The following NBPF26 variants were observed in gnomAD, a reference collection of about 807,000 sequenced individuals.
NBPF26 encodes the protein NBPF family member NBPF26.
A neutral mutation model predicts 119.6 loss-of-function variants in NBPF26; 79 were observed. The ratio of observed to expected loss-of-function variants is 0.66; its 90% CI spans 0.55 to 0.80. NBPF26 has a LOEUF of 0.80. Among genes scored for constraint, NBPF26 ranks in the 30% least tolerant of loss-of-function variants. The pLI, the probability that NBPF26 is intolerant of heterozygous loss-of-function variation, is 0.00. For synonymous variants in NBPF26, 299 were observed against 457.7 expected (o/e 0.65, Z 4.43); for missense variants, 800 against 1,198.2 (o/e 0.67, Z 4.91).
At position 120,816,959 on chromosome 1, in the gene NBPF26, T is replaced by G. The variant is rs1253861785; in HGVS notation, c.2371+132T>G. The G allele has an allele frequency of 1.1e-5, 13 of 1,148,230 alleles. 1 individual carries two copies. The highest frequency in any genetic ancestry group is 1.4e-5 in the South Asian group (1 of 69,540). 71.1% of individuals were successfully genotyped at this position (1,148,230 alleles called of 1,614,324 possible). On this transcript the variant is annotated intron_variant, in intron 14 of 29. Coordinates refer to ENST00000620612, the Ensembl canonical transcript of NBPF26. ...GGGTTTCTAAACAGATATCAGGGAGTTTTTTGTCCTTCTCAGCTAATGTCA... is the reference window on the plus strand; with the variant it reads ...GGGTTTCTAAACAGATATCAGGGAGGTTTTTGTCCTTCTCAGCTAATGTCA...
chr1:120,840,375 G>T lies in NBPF26; in HGVS notation c.4129G>T (p.Glu1377Ter). ...GCTCAACAGCATGCTGATGGAAGTG[G>T]AAGAGCCTGAAGTCTTGCAGGACTC... The change falls in exon 30 of 30, where the codon GAA becomes TAA. Residue 1377 changes from glutamate (E) to a stop codon, truncating the protein, a stop_gained. Coordinates refer to ENST00000620612, the Ensembl canonical transcript of NBPF26. LOFTEE classifies it low-confidence loss of function (END_TRUNC). 6 of 1,460,428 alleles carry T rather than the reference G, an allele frequency of 4.1e-6. 1 individual carries two copies. In the East Asian group the frequency reaches 6.8e-5, roughly 17 times the overall value. 90.5% of individuals were successfully genotyped at this position (1,460,428 alleles called of 1,614,324 possible).
rs1456980873 is a variant in NBPF26, at chr1:120,823,629, C to T, written c.2639+269C>T. ...TGCAGGGAAACTTGACCACATTTTA[C>T]GCAAAATTATTGAGGACATGCTTTT... On this transcript the variant is annotated intron_variant, in intron 17 of 29. Transcript: ENST00000620612. 1.2e-3 allele frequency among the ~76,000 whole-genome samples: 152 copies of T among 125,358 alleles called. 13 individuals carry two copies. Among genetic ancestry groups the T allele is most frequent in the South Asian group, 1.7e-3 (7 of 4,150 alleles). 82.2% of individuals were successfully genotyped at this position (125,358 alleles called of 152,430 possible).
intron 1 of NBPF26, among the ~76,000 whole-genome samples, chr1:120,737,766 G>A (rs1477597800): frequency 8.0e-6 from 1 of 124,252 alleles, no homozygotes; most frequent in Non-Finnish European, 1.6e-5. Context: ...GACTGGTGGA[G>A]TTACTTTCTC....
In NBPF26 at chr1:120,793,379, G is replaced by T. The variant is rs1651515446; in HGVS notation, c.634G>T (p.Gly212Cys). 7 of 1,434,718 alleles carry T rather than the reference G, an allele frequency of 4.9e-6. 3 individuals are homozygous for T. Among genetic ancestry groups the T allele is most frequent in the Non-Finnish European group, 6.5e-6 (7 of 1,073,086 alleles). The allele number at this position is 1,434,718 out of a possible 1,614,324, so 88.9% of individuals were successfully genotyped here. The change falls in exon 4 of 30, where the codon GGC becomes TGC. Residue 212 changes from glycine to cysteine, a missense_variant. Around this residue, in one of 13 missense-constraint regions of NBPF26, gnomAD observed 155 missense variants for 143.7 expected, o/e 1.08. Transcript: ENST00000620612. ...TTCCTACCAGTGCCAGTGCCTTCAG[G>T]GCTTCACAGGCCAGTACTGTGACAG...
intron 9 of NBPF26, among the ~76,000 whole-genome samples, chr1:120,811,586 T>G: frequency 8.9e-6 from 1 of 112,652 alleles, no homozygotes; most frequent in Non-Finnish European, 1.7e-5. Flanking sequence ...AAACGAAATC[T>G]TTTGTGCTAC....
chr1:120,817,219 C>T (rs1168916302), intron 14 of NBPF26, among the ~76,000 whole-genome samples: 2 of 115,884 alleles, frequency 1.7e-5, no homozygotes, highest in East Asian at 2.1e-4. Context: ...AAATATTGTT[C>T]ACCAGGCTTC....
At chr1:120,764,001 C>T in intron 2 of NBPF26, among the ~76,000 whole-genome samples, 1 of 114,974 alleles carries the variant, frequency 8.7e-6, no homozygotes, top group East Asian at 2.1e-4. Flanking sequence ...GTAATCCCAG[C>T]ACTTCAGGAG....
Position 120,807,807 on chromosome 1 carries a change from G to T in NBPF26, c.1064+98G>T. 9.2e-6 allele frequency: 5 copies of T among 544,952 alleles called. 1 individual carries two copies. Among genetic ancestry groups the T allele is most frequent in the Non-Finnish European group, 1.6e-5 (5 of 314,896 alleles). 33.8% of individuals were successfully genotyped at this position (544,952 alleles called of 1,614,324 possible). A position where few individuals can be genotyped will look rare whatever the true frequency, so the allele number is the denominator to read the frequency against. ...GACGTAAGAGCTAAGCTGGGCCAGG[G>T]GAAGGGCAGGAATTGCCATGGCAGG... On this transcript the variant is annotated intron_variant, in intron 6 of 29. Transcript: ENST00000620612.
chr1:120,805,341 C>T (rs1651654856), intron 4 of NBPF26: 1 of 1,042,954 alleles, frequency 9.6e-7, no homozygotes, highest in Non-Finnish European at 1.4e-6. Flanking sequence ...TCACTCTTAT[C>T]AGAGTCTGAG....
rs1438786692 is a variant in NBPF26 at position 120,815,194 on chromosome 1, C to T, written c.2092+151C>T. 39 of 615,174 alleles carry T rather than the reference C, an allele frequency of 6.3e-5. 5 individuals carry two copies. The highest frequency in any genetic ancestry group is 4.3e-4 in the East Asian group (15 of 34,960). The allele number at this position is 615,174 out of a possible 1,614,324, so 38.1% of individuals were successfully genotyped here. A position where few individuals can be genotyped will look rare whatever the true frequency, so the allele number is the denominator to read the frequency against. On this transcript the variant is annotated intron_variant, in intron 12 of 29. Transcript: ENST00000620612. Reference sequence around the variant, plus strand: ...ATGACCAGGACTTCTTGGGTAAGAACAGAGATGGGAAACCCATGGGGTTGG... The same window carrying T: ...ATGACCAGGACTTCTTGGGTAAGAATAGAGATGGGAAACCCATGGGGTTGG...
In NBPF26 at chr1:120,735,344, C is replaced by T. The variant is rs1157680590; in HGVS notation, c.73+11094C>T. On this transcript the variant is annotated intron_variant, in intron 1 of 29. Coordinates refer to ENST00000620612, the Ensembl canonical transcript of NBPF26. ...CCTCCCAAAGTGCTGGGATTACAGG[C>T]GTGAGCCACCGTGCCTGGTCCTTGC... Among the ~76,000 whole-genome samples, 6 of 83,264 alleles carry T rather than the reference C, an allele frequency of 7.2e-5. 1 individual carries two copies. The highest frequency in any genetic ancestry group is 1.2e-4 in the Admixed American group (1 of 8,534). 54.6% of individuals were successfully genotyped at this position (83,264 alleles called of 152,430 possible).
At chr1:120,840,749 C>A, downstream of NBPF26, 3 of 1,129,364 alleles carry the variant, frequency 2.7e-6, 1 homozygote, top group Non-Finnish European at 3.6e-6. Context: ...CCAGTGGCAA[C>A]CTGTGCTCAG....
rs1651422387 is a variant in NBPF26, at chr1:120,786,430, C to A, written c.415+1197C>A. ...AGTAGTTTCTGAATACGTTTTCTTG[C>A]CTTTATTCTCTCCCCATCTCATTCA... On this transcript the variant is annotated intron_variant, in intron 3 of 29. Transcript: ENST00000620612. 1.9e-5 allele frequency among the ~76,000 whole-genome samples: 2 copies of A among 105,742 alleles called. 1 individual carries two copies. The highest frequency in any genetic ancestry group is 3.5e-5 in the Non-Finnish European group (2 of 57,358). 69.4% of individuals were successfully genotyped at this position (105,742 alleles called of 152,430 possible).
Position 120,804,380 on chromosome 1 carries a change from C to T in NBPF26, c.752-1176C>T, listed in dbSNP as rs1490669488. 3.0e-5 allele frequency among the ~76,000 whole-genome samples: 3 copies of T among 100,006 alleles called. 1 individual carries two copies. In the East Asian group the frequency reaches 7.0e-4, roughly 23 times the overall value. 65.6% of individuals were successfully genotyped at this position (100,006 alleles called of 152,430 possible). A position where few individuals can be genotyped will look rare whatever the true frequency, so the allele number is the denominator to read the frequency against. On this transcript the variant is annotated intron_variant, in intron 4 of 29. Transcript: ENST00000620612. ...AACCCTGACCATAACCTTGATCTTG[C>T]CATGTTCTGTTAGTGGAATGCAACC...
rs1651872270 is a variant in NBPF26, at chr1:120,811,765, A to T, written c.1565-121A>T. On this transcript the variant is annotated intron_variant, in intron 9 of 29. Coordinates refer to ENST00000620612, the Ensembl canonical transcript of NBPF26. ...TCAAGACTGGAGATGACAAGAGTGAAACCAGGGAAACATCTTCAAATAAGT... is the reference window on the plus strand; with the variant it reads ...TCAAGACTGGAGATGACAAGAGTGATACCAGGGAAACATCTTCAAATAAGT... 26 of 621,906 alleles carry T rather than the reference A, an allele frequency of 4.2e-5. 3 individuals carry two copies. Among genetic ancestry groups the T allele is most frequent in the South Asian group, 3.4e-4 (21 of 61,932 alleles). The allele number at this position is 621,906 out of a possible 1,614,324, so 38.5% of individuals were successfully genotyped here. A position where few individuals can be genotyped will look rare whatever the true frequency, so the allele number is the denominator to read the frequency against.
chr1:120,812,095 A>G, exon 10 of NBPF26: 1 of 1,194,002 alleles, frequency 8.4e-7, no homozygotes, highest in Non-Finnish European at 1.2e-6. Flanking sequence ...GAACAAATAC[A>G]GTAAGATCTA....
At chr1:120,820,460 A>ATATGTATATATATATG (rs1652108491) in intron 15 of NBPF26, among the ~76,000 whole-genome samples, 8 of 16,916 alleles carry the variant, frequency 4.7e-4, no homozygotes, top group African/African-American at 1.8e-3. Context: ...ATATATATAT[A>ATATGTATATATATATG]TATATATATA....
In NBPF26 at chr1:120,777,324, A is replaced by C. The variant is rs1415432858; in HGVS notation, c.156-7650A>C. On this transcript the variant is annotated intron_variant, in intron 2 of 29. Coordinates refer to ENST00000620612, the Ensembl canonical transcript of NBPF26. ...GGGAACCAAGATTAACATTTTCTGA[A>C]ATACTTCTACAAGAAAAGCAGAAAT... Among the ~76,000 whole-genome samples, 3 of 27,994 alleles carry C rather than the reference A, an allele frequency of 1.1e-4. No homozygotes were observed. In the Admixed American group the frequency reaches 1.4e-3, roughly 13 times the overall value. 18.4% of individuals were successfully genotyped at this position (27,994 alleles called of 152,430 possible).
chr1:120,759,112 A>G (rs1329738340), intron 1 of NBPF26, among the ~76,000 whole-genome samples: 1 of 73,632 alleles, frequency 1.4e-5, no homozygotes, highest in Non-Finnish European at 2.3e-5. Context: ...GCCTGCCGAT[A>G]GTAGATGCTT....
Sources: gnomAD v4.1 joint callset for allele counts (sites outside exome capture counted in the v4.1 genomes callset) on GRCh38, gnomAD v4.1.1 for gene constraint, gnomAD v4.1.1 regional missense constraint, MANE v1.5 for transcripts, NCBI Gene and HGNC (gene_info 2026-07-23, HGNC 2026-07-21) for gene names.